SHROOM3: variants seen among roughly 807,000 people sequenced by gnomAD.
The protein encoded by SHROOM3 is protein Shroom3.
SHROOM3 carries 47 observed loss-of-function variants against 138.6 expected under a neutral mutation model. That is an observed-to-expected ratio of 0.34 (90% CI 0.27 to 0.43). The LOEUF (loss-of-function observed/expected upper bound fraction) is 0.43. Ranked by LOEUF, SHROOM3 falls within the 20% of genes least tolerant of loss-of-function variation. The probability of loss-of-function intolerance (pLI) is 1.00; values close to 1 mark genes in which losing one functional copy is unlikely to be tolerated. For missense variants in SHROOM3, 2,491 were observed against 2,596.5 expected (o/e 0.96, Z 0.88); for synonymous variants, 1,062 against 1,063.3 (o/e 1.00, Z 0.02).
chr4:76,525,685 T>G, intron 1 of SHROOM3, among the ~76,000 whole-genome samples: 1 of 152,202 alleles, frequency 6.6e-6, no homozygotes, highest in Non-Finnish European at 1.5e-5. Flanking sequence ...TGCAAAGATT[T>G]TTAAAGCCTT....
chr4:76,559,258 G>C (rs1183410612), intron 2 of SHROOM3: 2 of 152,158 alleles, frequency 1.3e-5, no homozygotes, highest in Admixed American at 1.3e-4. Flanking sequence ...CGCCTCCAGA[G>C]ACATGGATGG....
chr4:76,727,757 C>T (rs1388313578), intron 3 of SHROOM3, among the ~76,000 whole-genome samples: 2 of 151,894 alleles, frequency 1.3e-5, no homozygotes, highest in Non-Finnish European at 2.9e-5. Flanking sequence ...GGCATGGTGG[C>T]ACAGCCTGTA....
chr4:76,544,571 A>AT (rs1187596998), intron 1 of SHROOM3, among the ~76,000 whole-genome samples: 2 of 150,672 alleles, frequency 1.3e-5, no homozygotes, highest in African/African-American at 4.9e-5. Flanking sequence ...TTGTTTTTGT[A>AT]TTTTTAGTAA....
At chr4:76,460,177 G>T (rs2109975222) in intron 1 of SHROOM3, among the ~76,000 whole-genome samples, 1 of 152,192 alleles carries the variant, frequency 6.6e-6, no homozygotes, top group Admixed American at 6.5e-5. Context: ...GGCTACATAA[G>T]TTTAAAAATG....
intron 2 of SHROOM3, among the ~76,000 whole-genome samples, chr4:76,656,559 C>T (rs573349377): frequency 1.8e-4 from 27 of 152,282 alleles, no homozygotes; most frequent in African/African-American, 6.3e-4. Flanking sequence ...TGGAAAAAGC[C>T]CTTCTTACTC....
chr4:76,644,001 C>A lies in SHROOM3; in HGVS notation c.324-66155C>A, dbSNP rs55705057. ...CTGGTATTACAGGCATGTGCCACCA[C>A]GCCTGGCTAATTTTGTATTTTTAGT... On this transcript the variant is annotated intron_variant, in intron 2 of 10. Transcript: ENST00000296043. Among the ~76,000 whole-genome samples, 1,411 of 151,996 alleles carry A rather than the reference C, an allele frequency of 9.3e-3. 20 individuals are homozygous for A. The highest frequency in any genetic ancestry group is 0.033 in the African/African-American group (1,349 of 41,450).
At chr4:76,683,373 T>A (rs150218317) in intron 2 of SHROOM3, among the ~76,000 whole-genome samples, 230 of 152,268 alleles carry the variant, frequency 1.5e-3, no homozygotes, top group African/African-American at 5.4e-3. Context: ...AATGTTTGTG[T>A]TCTCGCACAA....
Position 76,740,325 on chromosome 4 carries a change from C to A in SHROOM3, c.2152C>A (p.Arg718=). The A allele has an allele frequency of 6.2e-7, 1 of 1,613,118 alleles. No individual in the cohort carries two copies. ...TCCTGACCTCGGGAGCCATCTGGAC[C>A]GGCAGGTTTCCTACCCGCGGCCCGA... ...AAPDLGSHLD[R]QVSYPRPEGR... The change falls in exon 5 of 11, where the codon CGG becomes AGG. Residue 718 remains arginine, a synonymous_variant. Coordinates refer to ENST00000296043, the MANE Select transcript of SHROOM3 (RefSeq NM_020859.4). The surrounding 1 kb of genome is among the most constrained non-coding windows in gnomAD (Gnocchi z 4.0).
chr4:76,689,326 G>A (rs1240963140), intron 2 of SHROOM3, among the ~76,000 whole-genome samples: 1 of 138,860 alleles, frequency 7.2e-6, no homozygotes, highest in Non-Finnish European at 1.6e-5. Flanking sequence ...CAATCCGGGA[G>A]GCTTCCTGTG....
chr4:76,720,876 C>T (rs1251324095), intron 3 of SHROOM3, among the ~76,000 whole-genome samples: 2 of 151,746 alleles, frequency 1.3e-5, no homozygotes, highest in East Asian at 3.9e-4. Context: ...TCCCAAAGTG[C>T]TGAGATTACA....
Position 76,730,656 on chromosome 4 carries a change from G to A in SHROOM3, c.456-148G>A, listed in dbSNP as rs1490191230. On this transcript the variant is annotated intron_variant, in intron 3 of 10. Coordinates refer to ENST00000296043, the MANE Select transcript of SHROOM3 (RefSeq NM_020859.4). ...CAATGATTAGTCAGAGAAATAAGTAGCAAAATCTTCTTCTCAGTATTGACT... is the reference window on the plus strand; with the variant it reads ...CAATGATTAGTCAGAGAAATAAGTAACAAAATCTTCTTCTCAGTATTGACT... 24 of 960,686 alleles carry A rather than the reference G, an allele frequency of 2.5e-5. No homozygotes were observed. The East Asian group carries it at 5.5e-4, about 22-fold the overall frequency. The allele number at this position is 960,686 out of a possible 1,614,324, so 59.5% of individuals were successfully genotyped here. A position where few individuals can be genotyped will look rare whatever the true frequency, so the allele number is the denominator to read the frequency against.
At chr4:76,584,802 G>A (rs1055208200) in intron 2 of SHROOM3, among the ~76,000 whole-genome samples, 1 of 152,150 alleles carries the variant, frequency 6.6e-6, no homozygotes, top group African/African-American at 2.4e-5. Context: ...GAGGTTGCAT[G>A]GTGGGGAGAG....
At position 76,739,317 on chromosome 4, in the gene SHROOM3, G is replaced by A. The variant is rs1297703497; in HGVS notation, c.1144G>A (p.Ala382Thr). 1.4e-5 allele frequency: 23 copies of A among 1,613,774 alleles called. No individual in the cohort carries two copies. The highest frequency in any genetic ancestry group is 1.7e-5 in the Non-Finnish European group (20 of 1,179,908). Reference sequence around the variant, plus strand: ...GGACAACCTTCCTCCTAAGGTGGGTGCACCCCTGCCTCCAGCTCGGAGTGA... The same window carrying A: ...GGACAACCTTCCTCCTAAGGTGGGTACACCCCTGCCTCCAGCTCGGAGTGA... The part of the protein sequence containing the change: ...ATDNLPPKVG[A>T]PLPPARSDSY... Residue 382 changes from alanine (A) to threonine (T), a missense_variant, in exon 5 of 11, where the codon GCA becomes ACA. Ala to Thr is a moderately conservative substitution (Grantham distance 58). Coordinates refer to ENST00000296043, the MANE Select transcript of SHROOM3 (RefSeq NM_020859.4).
chr4:76,447,182 G>A (rs1169580578), intron 1 of SHROOM3, among the ~76,000 whole-genome samples: 1 of 152,080 alleles, frequency 6.6e-6, no homozygotes, highest in Non-Finnish European at 1.5e-5. Context: ...AAAAATCATT[G>A]TGACATGAAT....
At chr4:76,639,612 G>C (rs1046048390) in intron 2 of SHROOM3, 1 of 398,104 alleles carries the variant, frequency 2.5e-6, no homozygotes, top group Admixed American at 4.4e-5. Flanking sequence ...CCCAGACTTG[G>C]GACCCAAAAC....
intron 1 of SHROOM3, among the ~76,000 whole-genome samples, chr4:76,508,399 A>G (rs2110003514): frequency 6.6e-6 from 1 of 152,292 alleles, no homozygotes; most frequent in South Asian, 2.1e-4. Flanking sequence ...TCACAATTCT[A>G]TTATATTCTA....
chr4:76,738,200 C>G (rs1721133462), intron 4 of SHROOM3, among the ~76,000 whole-genome samples: 2 of 152,158 alleles, frequency 1.3e-5, no homozygotes, highest in Non-Finnish European at 2.9e-5. Context: ...GTTTAGCTTT[C>G]CCACCACAAA....
At chr4:76,736,649 G>A (rs1322866460) in intron 4 of SHROOM3, among the ~76,000 whole-genome samples, 1 of 152,084 alleles carries the variant, frequency 6.6e-6, no homozygotes, top group Non-Finnish European at 1.5e-5. Context: ...AAAATCTTGG[G>A]CAAGAACTTC....
rs150048957 is a variant in SHROOM3 at position 76,681,625 on chromosome 4, G to GTGTGTGTGTGTGTGTGTGTA, written c.324-28522_324-28521insGTGTGTGTGTATGTGTGTGT. Among the ~76,000 whole-genome samples, 105 of 117,918 alleles carry GTGTGTGTGTGTGTGTGTGTA rather than the reference G, an allele frequency of 8.9e-4. 1 individual carries two copies. Among genetic ancestry groups the GTGTGTGTGTGTGTGTGTGTA allele is most frequent in the African/African-American group, 2.7e-3 (76 of 28,312 alleles). The allele number at this position is 117,918 out of a possible 152,430, so 77.4% of individuals were successfully genotyped here. A position where few individuals can be genotyped will look rare whatever the true frequency, so the allele number is the denominator to read the frequency against. On this transcript the variant is annotated intron_variant, in intron 2 of 10. Coordinates refer to ENST00000296043, the MANE Select transcript of SHROOM3 (RefSeq NM_020859.4). The stretch of plus-strand genomic sequence containing the variant: ...TGTGTGTGTGTGTGTGTGTGTGTGT[G>GTGTGTGTGTGTGTGTGTGTA]TGTGTGTGTATGTGTCTGGATGAGA...
Sources: allele counts gnomAD v4.1 joint callset (sites outside exome capture counted in the v4.1 genomes callset), GRCh38; gene constraint gnomAD v4.1.1; non-coding constraint Gnocchi (gnomAD v3.1); transcripts MANE v1.5; gene names NCBI Gene and HGNC (gene_info 2026-07-23, HGNC 2026-07-21).